Variants in TGM2 observed in about 807,000 individuals in gnomAD.
The protein encoded by TGM2 is protein-glutamine gamma-glutamyltransferase 2.
Under a neutral mutation model 75.6 loss-of-function variants are expected in TGM2, and 53 were observed. That is an observed-to-expected ratio of 0.70 (90% CI 0.56 to 0.88). The LOEUF is 0.88. Ranked by LOEUF, TGM2 falls within the 40% of genes least tolerant of loss-of-function variation. TGM2 has a pLI of 0.00. For missense variants in TGM2, 842 were observed against 928.5 expected (o/e 0.91, Z 1.21); for synonymous variants, 374 against 381.1 (o/e 0.98, Z 0.22).
In TGM2 at chr20:38,131,130, C is replaced by T; in HGVS notation, c.1876G>A (p.Gly626Arg). Residue 626 changes from glycine to arginine, a missense_variant, in exon 12 of 13, where the codon GGG becomes AGG. Coordinates refer to ENST00000361475, the MANE Select transcript of TGM2 (RefSeq NM_004613.4). ...ALEGCTFTVEGAGLTEEQKTV... is the reference protein window; with the variant it reads ...ALEGCTFTVERAGLTEEQKTV... ...TTCTGCTCCTCAGTCAGGCCGGCCC[C>T]CTCCACAGTGAAGGTGCAGCCTTCC... 6.2e-7 allele frequency: 1 copy of T among 1,613,528 alleles called. No homozygotes were observed. The highest frequency in any genetic ancestry group is 8.5e-7 in the Non-Finnish European group (1 of 1,179,992).
intron 5 of TGM2, 89 bp downstream of exon 5, chr20:38,147,870 CCG>C (rs2075064098): frequency 6.5e-7 from 1 of 1,538,944 alleles, no homozygotes; most frequent in Non-Finnish European, 8.8e-7. Flanking sequence ...GGGTCCCCCA[CCG>C]CGCCTAGCCT....
chr20:38,151,048 A>G lies in TGM2; in HGVS notation c.443T>C (p.Val148Ala), dbSNP rs2075110463. 1.9e-6 allele frequency: 3 copies of G among 1,613,810 alleles called. No individual in the cohort carries two copies. The highest frequency in any genetic ancestry group is 2.5e-6 in the Non-Finnish European group (3 of 1,179,674). ...LFNAWCPADA[V>A]YLDSEEERQE... ...CCGCTCCTCTTCCGAGTCCAGGTAC[A>G]CAGCATCCGCTGCAGGCAGGAAGAA... The change falls in exon 4 of 13, where the codon GTG (valine) becomes GCG (alanine). Residue 148 changes from valine to alanine, a missense_variant. By Grantham distance (64) the Val-to-Ala change is moderately conservative (BLOSUM62 0). Transcript: ENST00000361475.
At chr20:38,135,223 TC>T (rs1455861762) in intron 10 of TGM2, among the ~76,000 whole-genome samples, 1 of 152,204 alleles carries the variant, frequency 6.6e-6, no homozygotes, top group Non-Finnish European at 1.5e-5. Context: ...GGCCTGGAGT[TC>T]ACCTCATGCC....
rs550087188 is a variant in TGM2, at chr20:38,137,854, C to T, written c.1615+259G>A. ...ACAGGTTAACTCCCCAACTGTGCAA[C>T]CTTAAGAAAATTACTTAACCTCTCT... On this transcript the variant is annotated intron_variant, in intron 10 of 12. Coordinates refer to ENST00000361475, the MANE Select transcript of TGM2 (RefSeq NM_004613.4). The T allele has an allele frequency of 6.1e-5, 45 of 736,608 alleles. No individual in the cohort carries two copies. In the African/African-American group the frequency reaches 6.7e-4, roughly 11 times the overall value. 45.6% of individuals were successfully genotyped at this position (736,608 alleles called of 1,614,324 possible). A position where few individuals can be genotyped will look rare whatever the true frequency, so the allele number is the denominator to read the frequency against.
intron 6 of TGM2, among the ~76,000 whole-genome samples, chr20:38,143,507 A>T (rs995070595): frequency 6.6e-6 from 1 of 152,172 alleles, no homozygotes; most frequent in African/African-American, 2.4e-5. Flanking sequence ...TGTTGCAATG[A>T]CAGGTTAAAC....
intron 10 of TGM2, among the ~76,000 whole-genome samples, chr20:38,134,017 C>A (rs539856955): frequency 6.6e-6 from 1 of 152,300 alleles, no homozygotes; most frequent in African/African-American, 2.4e-5. Flanking sequence ...GAGTTTCAGA[C>A]CTGAGTCTAC....
chr20:38,162,215 G>C (rs2075262608), intron 1 of TGM2, among the ~76,000 whole-genome samples: 1 of 152,206 alleles, frequency 6.6e-6, no homozygotes, highest in African/African-American at 2.4e-5. Context: ...CCCAGGGCTG[G>C]TGTGAGCAAG....
At chr20:38,160,021 A>G (rs1392826553) in intron 2 of TGM2, among the ~76,000 whole-genome samples, 2 of 152,318 alleles carry the variant, frequency 1.3e-5, no homozygotes, top group East Asian at 3.9e-4. Flanking sequence ...TGTTAGCAAG[A>G]GAACTTTGGG....
At position 38,135,848 on chromosome 20, in the gene TGM2, G is replaced by A. The variant is rs571885117; in HGVS notation, c.1615+2265C>T. On this transcript the variant is annotated intron_variant, in intron 10 of 12. Coordinates refer to ENST00000361475, the MANE Select transcript of TGM2 (RefSeq NM_004613.4). ...GGCCCCACCGTGTGCTGGTGCTGCTGTGCCCTTTCCAGATACCTCCTGAGC... is the reference window on the plus strand; with the variant it reads ...GGCCCCACCGTGTGCTGGTGCTGCTATGCCCTTTCCAGATACCTCCTGAGC... 4.5e-3 allele frequency among the ~76,000 whole-genome samples: 687 copies of A among 152,274 alleles called. 2 individuals are homozygous for A. The highest frequency in any genetic ancestry group is 6.7e-3 in the Non-Finnish European group (454 of 68,016).
intron 1 of TGM2, among the ~76,000 whole-genome samples, chr20:38,164,821 G>T (rs531578527): frequency 3.9e-5 from 6 of 152,240 alleles, no homozygotes; most frequent in Admixed American, 6.5e-5. Flanking sequence ...TGGCTGGCAA[G>T]AACCACCCAA....
chr20:38,134,043 T>C (rs1188673271), intron 10 of TGM2, among the ~76,000 whole-genome samples: 1 of 151,944 alleles, frequency 6.6e-6, no homozygotes, highest in Non-Finnish European at 1.5e-5. Context: ...AAGAGGGAGA[T>C]TGGCAAGGCT....
At chr20:38,154,679 C>G (rs1027346824) in intron 3 of TGM2, among the ~76,000 whole-genome samples, 1 of 152,144 alleles carries the variant, frequency 6.6e-6, no homozygotes, top group Non-Finnish European at 1.5e-5. Flanking sequence ...TTGAGAGGCC[C>G]GACTGAGATA....
At chr20:38,156,133 C>G in intron 2 of TGM2, 44 bp from the exon 3 acceptor site, 1 of 1,597,098 alleles carries the variant, frequency 6.3e-7, no homozygotes, top group South Asian at 1.1e-5. Flanking sequence ...GGTAGCAGGG[C>G]TGGCAGGGCA....
rs45557236 is a variant in TGM2, at chr20:38,155,637, T to A, written c.433+210A>T. Among the ~76,000 whole-genome samples the A allele has an allele frequency of 6.3e-3, 963 of 152,302 alleles. 9 individuals carry two copies. Among genetic ancestry groups the A allele is most frequent in the African/African-American group, 0.022 (916 of 41,556 alleles). The stretch of plus-strand genomic sequence containing the variant: ...AACCGAGATTACAGGCATGGATCAC[T>A]GAGCCCGGCCTCATTTTGTTTCTAT... On this transcript the variant is annotated intron_variant, in intron 3 of 12. Transcript: ENST00000361475.
At chr20:38,141,229 C>T in intron 8 of TGM2, 53 bp downstream of exon 8, 1 of 1,467,624 alleles carries the variant, frequency 6.8e-7, no homozygotes, top group South Asian at 1.2e-5. Flanking sequence ...CACTTTAACT[C>T]TCCAAGCCTC....
Position 38,150,168 on chromosome 20 carries a change from TATC to T in TGM2, c.552+768_552+770del, listed in dbSNP as rs556339277. On this transcript the variant is annotated intron_variant, in intron 4 of 12. Coordinates refer to ENST00000361475, the MANE Select transcript of TGM2 (RefSeq NM_004613.4). ...AGGTGGCTGGATGATAAATGAAATT[TATC>T]ATCACCAGTTTAGAGAACCAGCCCA... Among the ~76,000 whole-genome samples the T allele has an allele frequency of 9.3e-4, 142 of 152,284 alleles. 1 individual carries two copies. The highest frequency in any genetic ancestry group is 3.2e-3 in the African/African-American group (134 of 41,538).
intron 10 of TGM2, chr20:38,132,921 T>C (rs1278341657): frequency 2.2e-6 from 1 of 451,184 alleles, no homozygotes; most frequent in Non-Finnish European, 4.5e-6. Flanking sequence ...CCCTTCATCC[T>C]GGGGAGGATC....
chr20:38,166,485 C>T (rs2075310913), upstream of TGM2: 2 of 152,264 alleles, frequency 1.3e-5, no homozygotes. Flanking sequence ...GTCTCTTGGT[C>T]TCCTGTGCTT....
intron 10 of TGM2, chr20:38,137,874 C>T: frequency 2.3e-6 from 2 of 873,400 alleles, no homozygotes; most frequent in Admixed American, 3.0e-5. Context: ...ATTACTTAAC[C>T]TCTCTGTGCC....
Sources: allele counts gnomAD v4.1 joint callset (sites outside exome capture counted in the v4.1 genomes callset), GRCh38; gene constraint gnomAD v4.1.1; transcripts MANE v1.5; gene names NCBI Gene and HGNC (gene_info 2026-07-23, HGNC 2026-07-21).